Variants in DOCK11 observed in about 807,000 individuals in gnomAD.
DOCK11 encodes dedicator of cytokinesis 11.
Under a neutral mutation model 169.1 loss-of-function variants are expected in DOCK11, and 70 were observed. That is an observed-to-expected ratio of 0.41 (90% CI 0.34 to 0.51). The LOEUF is 0.51. DOCK11 is among the 20% of genes least tolerant of loss of function. DOCK11 has a pLI of 0.10. For synonymous variants in DOCK11, 529 were observed against 541.3 expected (o/e 0.98, Z 0.32); for missense variants, 1,166 against 1,538.8 (o/e 0.76, Z 4.05).
chrX:118,534,867 G>GT (rs938293576), intron 1 of DOCK11, among the ~76,000 whole-genome samples: 134 of 109,948 alleles, frequency 1.2e-3, no homozygotes, highest in Admixed American at 1.7e-3. Context: ...GCGTACTGTT[G>GT]TTTTTTTTTG....
At chrX:118,574,099 C>A in intron 12 of DOCK11, 81 bp downstream of exon 12, 1 of 985,677 alleles carries the variant, frequency 1.0e-6, no homozygotes, top group Non-Finnish European at 1.4e-6. Context: ...GGTTTCAGGC[C>A]AATGTTTTCA....
intron 40 of DOCK11, among the ~76,000 whole-genome samples, chrX:118,647,967 TAATTATATATAATA>T (rs2015798069): frequency 4.2e-5 from 2 of 47,137 alleles, no homozygotes; most frequent in African/African-American, 8.8e-5. Flanking sequence ...ATATAATATA[TAATTATATATAATA>T]TATAATAATA....
chrX:118,658,386 C>T (rs1603171256), intron 44 of DOCK11, among the ~76,000 whole-genome samples: 1 of 112,564 alleles, frequency 8.9e-6, no homozygotes, highest in African/African-American at 3.2e-5. Context: ...TACTGTGTAG[C>T]GTTTTTAAGG....
intron 1 of DOCK11, among the ~76,000 whole-genome samples, chrX:118,526,150 C>T (rs1485256450): frequency 1.8e-5 from 2 of 112,162 alleles, no homozygotes; most frequent in Admixed American, 1.9e-4. Flanking sequence ...AAGACAAGCA[C>T]AAGGACCTGG....
intron 23 of DOCK11, among the ~76,000 whole-genome samples, chrX:118,603,368 G>T (rs1190903590): frequency 1.8e-5 from 2 of 112,307 alleles, no homozygotes; most frequent in Non-Finnish European, 3.8e-5. Flanking sequence ...ACAACAGAAA[G>T]ATGGCAATGT....
chrX:118,604,087 T>TCTGACCA (rs2014422616), intron 23 of DOCK11, among the ~76,000 whole-genome samples: 1 of 111,906 alleles, frequency 8.9e-6, no homozygotes, highest in Non-Finnish European at 1.9e-5. Context: ...ATTGCTGGCC[T>TCTGACCA]CTGACCACTA....
At chrX:118,634,852 CTGAG>C (rs2015346589) in intron 35 of DOCK11, among the ~76,000 whole-genome samples, 1 of 111,758 alleles carries the variant, frequency 8.9e-6, no homozygotes, top group Non-Finnish European at 1.9e-5. Flanking sequence ...CCTCAGCCTC[CTGAG>C]TAACTGGGAT....
chrX:118,562,416 C>T (rs759585013), intron 7 of DOCK11, among the ~76,000 whole-genome samples: 5 of 111,424 alleles, frequency 4.5e-5, no homozygotes, highest in Admixed American at 1.9e-4. Context: ...CCCAAAGTTG[C>T]GCTTTTATGC....
rs1425975590 is a variant in DOCK11 at position 118,610,398 on chromosome X, A to G, written c.3076A>G (p.Ser1026Gly). The change falls in exon 28 of 53, where the codon AGT (serine) becomes GGT (glycine). Residue 1026 changes from serine (S) to glycine (G), a missense_variant. Coordinates refer to ENST00000276202, the MANE Select transcript of DOCK11 (RefSeq NM_144658.4). Reference protein sequence around the residue: ...IPDESRNVNYSLASFLKRCLT... With the variant: ...IPDESRNVNYGLASFLKRCLT... Reference sequence around the variant, plus strand: ...CGATGAGTCCAGAAATGTGAACTATAGTTTGGCTAGCTTCCTGAAGGTGAG... The same window carrying G: ...CGATGAGTCCAGAAATGTGAACTATGGTTTGGCTAGCTTCCTGAAGGTGAG... The G allele has an allele frequency of 1.7e-6, 2 of 1,209,119 alleles. No homozygotes were observed. The highest frequency in any genetic ancestry group is 2.2e-5 in the Admixed American group (1 of 45,617).
At chrX:118,572,681 A>T (rs1333289516) in intron 11 of DOCK11, among the ~76,000 whole-genome samples, 1 of 112,212 alleles carries the variant, frequency 8.9e-6, no homozygotes, top group Admixed American at 9.5e-5. Flanking sequence ...ACTGAGAACT[A>T]TTAATAATTG....
At chrX:118,563,883 G>T (rs1479857085) in intron 7 of DOCK11, among the ~76,000 whole-genome samples, 1 of 110,207 alleles carries the variant, frequency 9.1e-6, no homozygotes. Context: ...TGTATTTTTA[G>T]TAGAGATGTT....
intron 29 of DOCK11, 59 bp from the exon 30 acceptor site, chrX:118,615,541 T>A: frequency 1.0e-6 from 1 of 970,115 alleles, no homozygotes; most frequent in Non-Finnish European, 1.5e-6. Context: ...CTGTATTAAA[T>A]TCTTAAAATA....
At chrX:118,532,973 A>ATTTG (rs958636609) in intron 1 of DOCK11, among the ~76,000 whole-genome samples, 7 of 110,628 alleles carry the variant, frequency 6.3e-5, no homozygotes, top group East Asian at 2.8e-4. Context: ...TTATTTATTT[A>ATTTG]TTTGTTTGTT....
chrX:118,503,359 C>T (rs923047092), intron 1 of DOCK11, among the ~76,000 whole-genome samples: 4 of 111,382 alleles, frequency 3.6e-5, no homozygotes, highest in African/African-American at 1.3e-4. Context: ...CTGCACCAGG[C>T]GAACAAAGGC....
chrX:118,603,484 C>T (rs1418333129), intron 23 of DOCK11, among the ~76,000 whole-genome samples: 1 of 112,205 alleles, frequency 8.9e-6, no homozygotes, highest in East Asian at 2.8e-4. Flanking sequence ...CTACCTGGCA[C>T]TATTCTATTT....
intron 44 of DOCK11, among the ~76,000 whole-genome samples, chrX:118,657,235 C>G (rs1045647897): frequency 2.7e-5 from 3 of 110,771 alleles, no homozygotes; most frequent in Non-Finnish European, 3.8e-5. Context: ...TTTCAACTAG[C>G]CATTTATATA....
intron 6 of DOCK11, 126 bp from the exon 7 acceptor site, chrX:118,561,257 C>A: frequency 1.8e-6 from 1 of 557,477 alleles, no homozygotes; most frequent in East Asian, 3.8e-5. Flanking sequence ...AACATCTTGT[C>A]AGGGTTGTCT....
At chrX:118,643,702 C>A in intron 40 of DOCK11, 108 bp downstream of exon 40, 1 of 859,881 alleles carries the variant, frequency 1.2e-6, no homozygotes, top group Non-Finnish European at 1.7e-6. Flanking sequence ...GCTCATGAAG[C>A]CATTAAGTAC....
chrX:118,499,642 A>C lies in DOCK11; in HGVS notation c.102+3569A>C, dbSNP rs761085144. ...CCAAGGGAATTTGTGTAAAGTAGGT[A>C]ATATAGGACAAAACCCACAGCCTCA... On this transcript the variant is annotated intron_variant, in intron 1 of 52. Transcript: ENST00000276202. Among the ~76,000 whole-genome samples the C allele has an allele frequency of 9.8e-5, 11 of 112,167 alleles. No homozygotes were observed. The South Asian group carries it at 2.6e-3, about 26-fold the overall frequency.
Sources: allele counts gnomAD v4.1 joint callset (sites outside exome capture counted in the v4.1 genomes callset), GRCh38; gene constraint gnomAD v4.1.1; transcripts MANE v1.5; gene names NCBI Gene and HGNC (gene_info 2026-07-23, HGNC 2026-07-21).